Variants in NMNAT2 observed in about 807,000 individuals in gnomAD.
NMNAT2 encodes the protein nicotinamide nucleotide adenylyltransferase 2, also known as nicotinamide/nicotinic acid mononucleotide adenylyltransferase 2.
NMNAT2 carries 11 observed loss-of-function variants against 41.6 expected under a neutral mutation model. The ratio of observed to expected loss-of-function variants is 0.26; its 90% CI spans 0.17 to 0.44. NMNAT2 has a LOEUF of 0.44. Among genes scored for constraint, NMNAT2 ranks in the 20% least tolerant of loss-of-function variants. The pLI, the probability that NMNAT2 is intolerant of heterozygous loss-of-function variation, is 1.00. For synonymous variants in NMNAT2, 148 were observed against 151.2 expected, an observed-to-expected ratio of 0.98 and a Z score of 0.16; for missense variants, 288 against 407.7, an observed-to-expected ratio of 0.71 and a Z score of 2.53.
intron 1 of NMNAT2, among the ~76,000 whole-genome samples, chr1:183,351,299 C>A (rs907431928): frequency 2.6e-5 from 4 of 152,226 alleles, no homozygotes; most frequent in African/African-American, 9.6e-5. Context: ...CTAGACCCAA[C>A]CTTCCCCTTA....
intron 1 of NMNAT2, among the ~76,000 whole-genome samples, chr1:183,402,382 G>A (rs182089414): frequency 1.8e-4 from 27 of 152,182 alleles, no homozygotes; most frequent in African/African-American, 5.8e-4. Context: ...TTGACTAATC[G>A]GATTGTTGTA....
intron 3 of NMNAT2, 90 bp from the exon 4 acceptor site, chr1:183,290,296 T>C (rs1661507671): frequency 9.9e-7 from 1 of 1,009,550 alleles, no homozygotes; most frequent in Non-Finnish European, 1.5e-6. Context: ...TCAGGAAGCA[T>C]GGCAGATCTG....
chr1:183,330,183 G>A (rs1662552368), intron 1 of NMNAT2, among the ~76,000 whole-genome samples: 1 of 152,206 alleles, frequency 6.6e-6, no homozygotes, highest in South Asian at 2.1e-4. Context: ...CTGTAAAATG[G>A]AGATAAAAAC....
chr1:183,286,683 C>T lies in NMNAT2; in HGVS notation c.427G>A (p.Val143Met), dbSNP rs199765030. Residue 143 changes from valine to methionine, a missense_variant, in exon 5 of 11, where the codon GTG (valine) becomes ATG (methionine). This residue lies in a region of NMNAT2 where 181 missense variants were observed against 213.7 expected (regional missense o/e 0.85). Coordinates refer to ENST00000287713, the MANE Select transcript of NMNAT2 (RefSeq NM_015039.4). The part of the protein sequence containing the change: ...TPQPIYQNSN[V>M]ATKPTAAKIL... ...CTACCTGCAGTGGGCTTGGTGGCCA[C>T]GTTGCTGTTCTGGTAAATGGGCTGG... 9.3e-6 allele frequency: 15 copies of T among 1,610,378 alleles called. No homozygotes were observed. Among genetic ancestry groups the T allele is most frequent in the East Asian group, 2.2e-5 (1 of 44,784 alleles).
intron 1 of NMNAT2, among the ~76,000 whole-genome samples, chr1:183,363,854 G>A (rs1663359193): frequency 6.6e-6 from 1 of 152,190 alleles, no homozygotes; most frequent in South Asian, 2.1e-4. Flanking sequence ...CTTTTTAACA[G>A]TCTGGTAATG....
At chr1:183,265,630 C>G (rs1010666234) in intron 8 of NMNAT2, among the ~76,000 whole-genome samples, 2 of 152,158 alleles carry the variant, frequency 1.3e-5, no homozygotes, top group South Asian at 4.1e-4. Context: ...CTCTCTTTCT[C>G]TTATATCCCA....
At chr1:183,299,251 T>G (rs1320051691) in intron 1 of NMNAT2, among the ~76,000 whole-genome samples, 1 of 151,976 alleles carries the variant, frequency 6.6e-6, no homozygotes, top group Non-Finnish European at 1.5e-5. Context: ...TGGCACACAC[T>G]TGTAATCCCA....
chr1:183,413,704 T>A (rs1418722065), intron 1 of NMNAT2, among the ~76,000 whole-genome samples: 1 of 149,284 alleles, frequency 6.7e-6, no homozygotes, highest in Non-Finnish European at 1.5e-5. Flanking sequence ...CCTTCCGGGT[T>A]CGCGCCATTC....
chr1:183,261,466 G>C (rs895591075), intron 8 of NMNAT2, among the ~76,000 whole-genome samples, 163 bp from the exon 9 acceptor site: 4 of 152,120 alleles, frequency 2.6e-5, no homozygotes, highest in Non-Finnish European at 5.9e-5. Flanking sequence ...CTCCTTCAAG[G>C]AACAACACTT....
chr1:183,306,589 C>T (rs1661997957), intron 1 of NMNAT2, among the ~76,000 whole-genome samples: 1 of 152,084 alleles, frequency 6.6e-6, no homozygotes, highest in South Asian at 2.1e-4. Flanking sequence ...TCATTGAAAA[C>T]GTACCATGTG....
chr1:183,391,137 G>C (rs1175981245), intron 1 of NMNAT2, among the ~76,000 whole-genome samples: 1 of 152,066 alleles, frequency 6.6e-6, no homozygotes, highest in African/African-American at 2.4e-5. Flanking sequence ...ACATCACTTA[G>C]GCTCTGTCTC....
intron 1 of NMNAT2, among the ~76,000 whole-genome samples, chr1:183,300,806 T>C (rs564296509): frequency 2.6e-5 from 4 of 152,360 alleles, no homozygotes; most frequent in Admixed American, 2.0e-4. Context: ...AAACTTTATT[T>C]CTGTTCATAC....
intron 1 of NMNAT2, among the ~76,000 whole-genome samples, chr1:183,375,438 T>C (rs1663655579): frequency 6.6e-6 from 1 of 152,180 alleles, no homozygotes; most frequent in Admixed American, 6.5e-5. Flanking sequence ...TGACTTGCGC[T>C]TTCCCTCCCC....
At chr1:183,322,005 T>C (rs1662365881) in intron 1 of NMNAT2, among the ~76,000 whole-genome samples, 1 of 151,958 alleles carries the variant, frequency 6.6e-6, no homozygotes, top group African/African-American at 2.4e-5. Context: ...TTTTTTTTTT[T>C]GTAGAGACAG....
intron 1 of NMNAT2, among the ~76,000 whole-genome samples, chr1:183,354,409 C>CTTTTTTTTTTTTTTTTTTTTTTTTTTTTT (rs67663742): frequency 1.1e-5 from 1 of 89,660 alleles, no homozygotes; most frequent in Non-Finnish European, 2.1e-5. Flanking sequence ...TCTTTAATGT[C>CTTTTTTTTTTTTTTTTTTTTTTTTTTTTT]TTTTTTTTTT....
chr1:183,310,688 T>C (rs1005959242), intron 1 of NMNAT2, among the ~76,000 whole-genome samples: 2 of 152,154 alleles, frequency 1.3e-5, no homozygotes, highest in Non-Finnish European at 2.9e-5. Context: ...CATCCTATAA[T>C]GCACAGGACA....
intron 1 of NMNAT2, among the ~76,000 whole-genome samples, chr1:183,302,868 C>T (rs1661897038): frequency 6.6e-6 from 1 of 152,138 alleles, no homozygotes; most frequent in Admixed American, 6.5e-5. Flanking sequence ...TCCCCACTCC[C>T]TCTGCCTTCT....
At chr1:183,253,227 T>G (rs1397839210) in intron 10 of NMNAT2, among the ~76,000 whole-genome samples, 1 of 148,246 alleles carries the variant, frequency 6.7e-6, no homozygotes, top group African/African-American at 2.4e-5. Context: ...CTATGTTATA[T>G]TACATATTTA....
At chr1:183,316,573 C>A (rs1218938068) in intron 1 of NMNAT2, among the ~76,000 whole-genome samples, 1 of 152,152 alleles carries the variant, frequency 6.6e-6, no homozygotes, top group Admixed American at 6.5e-5. Flanking sequence ...CTCGCCAGCC[C>A]CCCACCAGGC....
Sources: allele counts gnomAD v4.1 joint callset (sites outside exome capture counted in the v4.1 genomes callset), GRCh38; gene constraint gnomAD v4.1.1; regional missense constraint gnomAD v4.1.1; transcripts MANE v1.5; gene names NCBI Gene and HGNC (gene_info 2026-07-23, HGNC 2026-07-21).